FAM185A: variants seen among roughly 807,000 people sequenced by gnomAD.
FAM185A encodes protein FAM185A.
In FAM185A, 21 loss-of-function variants were observed where a neutral mutation model predicts 45.7. The observed-to-expected ratio is 0.46, with a 90% CI of 0.33 to 0.66. The LOEUF (loss-of-function observed/expected upper bound fraction) is 0.66. Among genes scored for constraint, FAM185A ranks in the 30% least tolerant of loss-of-function variants. The pLI, the probability that FAM185A is intolerant of heterozygous loss-of-function variation, is 0.03. For synonymous variants in FAM185A, 117 were observed against 194.0 expected (o/e 0.60, Z 3.30); for missense variants, 305 against 485.4 (o/e 0.63, Z 3.49).
intron 4 of FAM185A, among the ~76,000 whole-genome samples, chr7:102,771,649 T>C (rs1005020474): frequency 2.2e-4 from 33 of 152,126 alleles, no homozygotes; most frequent in Non-Finnish European, 4.7e-4. Flanking sequence ...CTTTTTAGTG[T>C]AGTTTTGGAA....
At chr7:102,786,336 T>C (rs2129441361) in intron 6 of FAM185A, among the ~76,000 whole-genome samples, 1 of 152,360 alleles carries the variant, frequency 6.6e-6, no homozygotes, top group South Asian at 2.1e-4. Context: ...ACTGGGTATA[T>C]ACCCAAAGGA....
At chr7:102,842,514 A>G in the FAM185A span, among the ~76,000 whole-genome samples, 1 of 152,258 alleles carries the variant, frequency 6.6e-6, no homozygotes, top group Non-Finnish European at 1.5e-5. Flanking sequence ...AGAATCTTGC[A>G]CAAACAACAT....
intron 2 of FAM185A, among the ~76,000 whole-genome samples, chr7:102,754,830 C>T (rs1240166225): frequency 8.5e-5 from 13 of 152,234 alleles, no homozygotes; most frequent in Non-Finnish European, 1.5e-4. Context: ...GAATGTCACA[C>T]ATTTGCATTT....
intron 7 of FAM185A, among the ~76,000 whole-genome samples, chr7:102,805,154 A>G (rs557902726): frequency 3.9e-5 from 6 of 152,338 alleles, no homozygotes; most frequent in African/African-American, 1.4e-4. Context: ...TAGAACTACC[A>G]TCTGATCCAG....
intron 4 of FAM185A, among the ~76,000 whole-genome samples, chr7:102,767,042 C>T (rs57055721): frequency 0.09 from 13,606 of 152,008 alleles, 1,957 homozygotes; most frequent in African/African-American, 0.31. Context: ...GTGATCCGCA[C>T]GCCTCGGCCT....
At chr7:102,834,085 GAA>G in the FAM185A span, among the ~76,000 whole-genome samples, 2,518 of 78,796 alleles carry the variant, frequency 0.032, 65 homozygotes, top group African/African-American at 0.056. Context: ...AGGAAGGAAA[GAA>G]AAGAAAGAAA....
chr7:102,842,397 C>T, the FAM185A span, among the ~76,000 whole-genome samples: 74 of 152,320 alleles, frequency 4.9e-4, no homozygotes, highest in East Asian at 0.01. Flanking sequence ...GCCAACACAT[C>T]TAATCCATCT....
intron 2 of FAM185A, among the ~76,000 whole-genome samples, chr7:102,754,639 C>G (rs112320093): frequency 1.3e-5 from 2 of 152,064 alleles, no homozygotes; most frequent in Non-Finnish European, 2.9e-5. Context: ...AACTCACTTG[C>G]GTTCACATAG....
chr7:102,797,054 G>T (rs1391731211), intron 7 of FAM185A, among the ~76,000 whole-genome samples: 3 of 152,180 alleles, frequency 2.0e-5, no homozygotes, highest in Non-Finnish European at 4.4e-5. Context: ...TATTTGAGAG[G>T]AAATTTAGTG....
At chr7:102,816,649 T>G in the FAM185A span, among the ~76,000 whole-genome samples, 13 of 152,306 alleles carry the variant, frequency 8.5e-5, no homozygotes, top group South Asian at 1.7e-3. Flanking sequence ...GGTGTACACG[T>G]GCAGGTTTGT....
Position 102,790,677 on chromosome 7 carries a change from G to A in FAM185A, c.1066+3208G>A, listed in dbSNP as rs554684375. ...GATTTAGTTTTAAAACTATTCTCACGACTTCAGTCATTATTTCTATGTACA... is the reference window on the plus strand; with the variant it reads ...GATTTAGTTTTAAAACTATTCTCACAACTTCAGTCATTATTTCTATGTACA... On this transcript the variant is annotated intron_variant, in intron 7 of 7. Transcript: ENST00000413034. Among the ~76,000 whole-genome samples the A allele has an allele frequency of 2.6e-5, 4 of 152,092 alleles. No individual in the cohort carries two copies. In the South Asian group the frequency reaches 6.2e-4, roughly 24 times the overall value.
At chr7:102,831,029 TC>T in the FAM185A span, among the ~76,000 whole-genome samples, 12 of 152,180 alleles carry the variant, frequency 7.9e-5, no homozygotes, top group African/African-American at 2.4e-4. Context: ...TGAAGGATGA[TC>T]TACGTGTGTT....
chr7:102,809,642 C>G (rs1052738597), downstream of FAM185A, among the ~76,000 whole-genome samples: 10 of 151,742 alleles, frequency 6.6e-5, no homozygotes, highest in African/African-American at 2.4e-4. Flanking sequence ...GCAGAGGTTG[C>G]AGTAAGCCGA....
chr7:102,814,273 A>G, the FAM185A span: 1 of 152,212 alleles, frequency 6.6e-6, no homozygotes, highest in East Asian at 1.9e-4. Flanking sequence ...ACGATTAGAA[A>G]TGAGTAACTA....
the FAM185A span, among the ~76,000 whole-genome samples, chr7:102,832,053 T>C: frequency 5.3e-5 from 8 of 152,222 alleles, no homozygotes; most frequent in African/African-American, 1.9e-4. Flanking sequence ...ATTTCTAATC[T>C]TTTTGTGCAT....
rs571690785 is a variant in FAM185A at position 102,755,455 on chromosome 7, C to G, written c.562-2399C>G. 1.3e-5 allele frequency: 9 copies of G among 676,230 alleles called. No homozygotes were observed. The East Asian group carries it at 1.3e-4, about 10-fold the overall frequency. 41.9% of individuals were successfully genotyped at this position (676,230 alleles called of 1,614,324 possible). The stretch of plus-strand genomic sequence containing the variant: ...GCTTAAGCTGGCCCACAAATACAGA[C>G]CAGAGACAAAGCAAGAGAAGAAGCG... On this transcript the variant is annotated intron_variant, in intron 2 of 7. Transcript: ENST00000413034.
At chr7:102,767,795 C>T (rs2129435556) in intron 4 of FAM185A, among the ~76,000 whole-genome samples, 1 of 150,994 alleles carries the variant, frequency 6.6e-6, no homozygotes, top group Non-Finnish European at 1.5e-5. Flanking sequence ...TTCCCTTCTT[C>T]CCCAGTCCCT....
At chr7:102,836,639 T>C in the FAM185A span, among the ~76,000 whole-genome samples, 4 of 152,218 alleles carry the variant, frequency 2.6e-5, no homozygotes, top group African/African-American at 9.6e-5. Context: ...AATTTTGCTG[T>C]GTGTTGGCAA....
chr7:102,836,455 A>G, the FAM185A span, among the ~76,000 whole-genome samples: 2,139 of 152,328 alleles, frequency 0.014, 119 homozygotes, highest in East Asian at 0.16. Flanking sequence ...AGATAAGATT[A>G]CAATATACAC....
Sources: gnomAD v4.1 joint callset for allele counts (sites outside exome capture counted in the v4.1 genomes callset) on GRCh38, gnomAD v4.1.1 for gene constraint, MANE v1.5 for transcripts, NCBI Gene and HGNC (gene_info 2026-07-23, HGNC 2026-07-21) for gene names.